CSMD1: variants seen among roughly 807,000 people sequenced by gnomAD.
CSMD1 encodes CUB and Sushi multiple domains 1.
CSMD1 carries 213 observed loss-of-function variants against 417.5 expected under a neutral mutation model. The observed-to-expected ratio is 0.51, with a 90% CI of 0.46 to 0.57. The LOEUF (loss-of-function observed/expected upper bound fraction) is 0.57. CSMD1 is among the 20% of genes least tolerant of loss of function. The pLI is 0.00. For synonymous variants in CSMD1, 2,862 were observed against 1,736.8 expected, an observed-to-expected ratio of 1.65 and a Z score of -16.11; for missense variants, 6,923 against 4,529.7, an observed-to-expected ratio of 1.53 and a Z score of -15.17.
chr8:4,349,695 T>C (rs1429458278), intron 3 of CSMD1, among the ~76,000 whole-genome samples: 3 of 152,142 alleles, frequency 2.0e-5, no homozygotes, highest in Non-Finnish European at 4.4e-5. Flanking sequence ...ATTTCTATCA[T>C]ACCTATAAAT....
intron 1 of CSMD1, among the ~76,000 whole-genome samples, chr8:4,921,257 A>G (rs1013805138): frequency 1.3e-5 from 2 of 152,124 alleles, no homozygotes; most frequent in Non-Finnish European, 2.9e-5. Flanking sequence ...CAGAGGCAAC[A>G]TTTATTGTCA....
intron 3 of CSMD1, among the ~76,000 whole-genome samples, chr8:4,229,898 T>A (rs1801607903): frequency 6.6e-6 from 1 of 152,190 alleles, no homozygotes; most frequent in South Asian, 2.1e-4. Flanking sequence ...TCGCTTTGAG[T>A]GATACTCAAT....
At chr8:3,553,064 T>C (rs1798986658) in intron 10 of CSMD1, among the ~76,000 whole-genome samples, 1 of 147,360 alleles carries the variant, frequency 6.8e-6, no homozygotes, top group Admixed American at 6.8e-5. Flanking sequence ...ATTCAAGCAA[T>C]AAAATATTAT....
chr8:4,449,426 GT>G (rs1364396309), intron 2 of CSMD1, among the ~76,000 whole-genome samples: 2 of 152,064 alleles, frequency 1.3e-5, no homozygotes, highest in Non-Finnish European at 2.9e-5. Context: ...CCGTGTAGAA[GT>G]TCATATTTTT....
At chr8:4,388,327 C>G (rs1401739025) in intron 3 of CSMD1, among the ~76,000 whole-genome samples, 2 of 150,820 alleles carry the variant, frequency 1.3e-5, no homozygotes, top group African/African-American at 2.5e-5. Context: ...CACAGACACA[C>G]ACACACACAC....
At chr8:4,993,883 G>A (rs905573721) in intron 1 of CSMD1, among the ~76,000 whole-genome samples, 2 of 152,042 alleles carry the variant, frequency 1.3e-5, no homozygotes, top group African/African-American at 4.8e-5. Flanking sequence ...TAGAGAGCCC[G>A]AACTTTCCAG....
At chr8:4,142,403 G>T (rs559766419) in intron 3 of CSMD1, among the ~76,000 whole-genome samples, 1 of 150,818 alleles carries the variant, frequency 6.6e-6, no homozygotes, top group South Asian at 2.1e-4. Context: ...GTTTTCTTTG[G>T]GTCAATATTT....
intron 22 of CSMD1, among the ~76,000 whole-genome samples, chr8:3,344,906 C>A (rs1332101849): frequency 6.6e-6 from 1 of 152,172 alleles, no homozygotes; most frequent in East Asian, 1.9e-4. Flanking sequence ...TACTAAAAGA[C>A]TATTGACCCA....
chr8:3,319,766 G>C (rs1009020626), intron 23 of CSMD1, among the ~76,000 whole-genome samples: 2 of 151,852 alleles, frequency 1.3e-5, no homozygotes, highest in Non-Finnish European at 2.9e-5. Context: ...ACGTCAGCCG[G>C]GCTATTTTTA....
intron 2 of CSMD1, among the ~76,000 whole-genome samples, chr8:4,518,684 G>A (rs1455545814): frequency 5.3e-5 from 8 of 150,170 alleles, no homozygotes; most frequent in Non-Finnish European, 1.2e-4. Flanking sequence ...AGTTAACGGT[G>A]CAGCACACCA....
At chr8:4,806,435 G>C (rs1271519707) in intron 1 of CSMD1, among the ~76,000 whole-genome samples, 2 of 147,490 alleles carry the variant, frequency 1.4e-5, no homozygotes, top group African/African-American at 5.1e-5. Flanking sequence ...GATGATGTTA[G>C]TGCCATCAAC....
At chr8:4,827,711 T>C (rs572206920) in intron 1 of CSMD1, among the ~76,000 whole-genome samples, 29 of 152,306 alleles carry the variant, frequency 1.9e-4, no homozygotes, top group African/African-American at 6.7e-4. Context: ...TAATTATCTG[T>C]AGATCTAAAA....
chr8:4,081,145 C>G (rs1800108963), intron 3 of CSMD1, among the ~76,000 whole-genome samples: 1 of 152,174 alleles, frequency 6.6e-6, no homozygotes, highest in Non-Finnish European at 1.5e-5. Flanking sequence ...TGATCTTAGA[C>G]TTCCCAGCCT....
chr8:3,175,237 C>G (rs949101440), intron 37 of CSMD1, among the ~76,000 whole-genome samples: 2 of 152,160 alleles, frequency 1.3e-5, no homozygotes, highest in Non-Finnish European at 2.9e-5. Context: ...TTTACTCCCA[C>G]CTGGTAAAGA....
At chr8:4,279,322 T>A (rs1281730089) in intron 3 of CSMD1, among the ~76,000 whole-genome samples, 2 of 152,112 alleles carry the variant, frequency 1.3e-5, no homozygotes, top group African/African-American at 2.4e-5. Flanking sequence ...AAACACACAG[T>A]CACACACAAG....
chr8:3,280,606 T>A (rs1311172208), intron 26 of CSMD1, among the ~76,000 whole-genome samples: 2 of 152,156 alleles, frequency 1.3e-5, no homozygotes, highest in Non-Finnish European at 1.5e-5. Flanking sequence ...GAGGGATGGA[T>A]CCTATCCAAG....
intron 49 of CSMD1, among the ~76,000 whole-genome samples, chr8:3,080,911 T>C (rs1252677775): frequency 6.6e-6 from 1 of 152,110 alleles, no homozygotes; most frequent in African/African-American, 2.4e-5. Flanking sequence ...TCTCTAAAAA[T>C]ATGATGCGTC....
chr8:3,552,650 T>C (rs1411504800), intron 10 of CSMD1, among the ~76,000 whole-genome samples: 1 of 152,206 alleles, frequency 6.6e-6, no homozygotes, highest in East Asian at 1.9e-4. Flanking sequence ...ATCCTTTCTG[T>C]TGCAAGAGTA....
intron 11 of CSMD1, among the ~76,000 whole-genome samples, chr8:3,488,440 G>A (rs928159818): frequency 6.6e-6 from 1 of 152,178 alleles, no homozygotes; most frequent in Non-Finnish European, 1.5e-5. Flanking sequence ...TACATTCAAG[G>A]CTAAAACCGA....
Sources: gnomAD v4.1 joint callset for allele counts (sites outside exome capture counted in the v4.1 genomes callset) on GRCh38, gnomAD v4.1.1 for gene constraint, MANE v1.5 for transcripts, NCBI Gene and HGNC (gene_info 2026-07-23, HGNC 2026-07-21) for gene names.